Variants in FYTTD1 observed in about 807,000 individuals in gnomAD.
FYTTD1 encodes the protein UAP56-interacting factor.
Under a neutral mutation model 40.9 loss-of-function variants are expected in FYTTD1, and 22 were observed. The observed-to-expected ratio is 0.54, with a 90% CI of 0.38 to 0.77. The LOEUF is 0.77. FYTTD1 is among the 30% of genes least tolerant of loss of function. The pLI, the probability that FYTTD1 is intolerant of heterozygous loss-of-function variation, is 0.00. For synonymous variants in FYTTD1, 140 were observed against 137.9 expected, an observed-to-expected ratio of 1.01 and a Z score of -0.10; for missense variants, 351 against 392.2, an observed-to-expected ratio of 0.90 and a Z score of 0.89.
At chr3:197,755,728 T>C (rs1315964871) in intron 1 of FYTTD1, 1 of 1,363,976 alleles carries the variant, frequency 7.3e-7, no homozygotes, top group Non-Finnish European at 1.0e-6. Flanking sequence ...CCTCAAATGA[T>C]CCGCCCACCT....
chr3:197,751,507 G>A (rs942874111), intron 1 of FYTTD1, among the ~76,000 whole-genome samples: 13 of 152,102 alleles, frequency 8.5e-5, no homozygotes, highest in African/African-American at 2.9e-4. Flanking sequence ...TTAGCCGGGC[G>A]TGGTGGCCGC....
At chr3:197,768,815 T>G (rs145738258) in intron 3 of FYTTD1, among the ~76,000 whole-genome samples, 7 of 152,280 alleles carry the variant, frequency 4.6e-5, no homozygotes, top group Non-Finnish European at 7.4e-5. Context: ...TTTTTATATA[T>G]AGAGTCTTGC....
intron 1 of FYTTD1, 81 bp downstream of exon 1, chr3:197,750,155 G>A: frequency 9.2e-7 from 1 of 1,085,908 alleles, no homozygotes; most frequent in Non-Finnish European, 1.3e-6. Flanking sequence ...GGGGGCAGGG[G>A]CGGTCGGCAG....
chr3:197,768,509 C>G lies in FYTTD1; in HGVS notation c.306C>G (p.Ile102Met). The change falls in exon 3 of 9, where the codon ATC (isoleucine) becomes ATG (methionine). Residue 102 changes from isoleucine to methionine, a missense_variant. Ile to Met is a conservative substitution (Grantham distance 10). Coordinates refer to ENST00000241502, the MANE Select transcript of FYTTD1 (RefSeq NM_032288.7). ...GAAAGAGACGTCCTAATGGAGTTAT[C>G]ACTGGCCTTGCAGCTAGGAAAACGA... ...MPGKRRPNGV[I>M]TGLAARKTTG... 6.2e-7 allele frequency: 1 copy of G among 1,613,180 alleles called. No homozygotes were observed. Among genetic ancestry groups the G allele is most frequent in the Non-Finnish European group, 8.5e-7 (1 of 1,179,264 alleles).
chr3:197,779,950 ACAGGCACACACCATACCTGGGGATG>A, intron 8 of FYTTD1, among the ~76,000 whole-genome samples: 1 of 144,056 alleles, frequency 6.9e-6, no homozygotes, highest in African/African-American at 2.6e-5. Flanking sequence ...ACCTGGGGAT[ACAGGCACACACCATACCTGGGGATG>A]CAGGCACACA....
intron 2 of FYTTD1, among the ~76,000 whole-genome samples, chr3:197,760,165 A>C (rs935205894): frequency 7.3e-5 from 11 of 150,988 alleles, no homozygotes; most frequent in African/African-American, 2.7e-4. Flanking sequence ...GGTAGAACGT[A>C]TTGAGTTGTT....
chr3:197,757,787 T>A (rs1167185497), intron 2 of FYTTD1, among the ~76,000 whole-genome samples: 1 of 152,212 alleles, frequency 6.6e-6, no homozygotes, highest in Non-Finnish European at 1.5e-5. Flanking sequence ...TAACTGAGAT[T>A]GGGCCCTTAA....
rs774312129 is a variant in FYTTD1, at chr3:197,769,080, T to TTTTG, written c.384+505_384+508dup. 2.1e-5 allele frequency among the ~76,000 whole-genome samples: 3 copies of TTTTG among 145,956 alleles called. No homozygotes were observed. In the East Asian group the frequency reaches 6.2e-4, roughly 30 times the overall value. ...GTGCCTGGCCGAAAATGAAGAGTTT[T>TTTTG]TTTGTTTGTTTGTTTTTGTTTTTTC... On this transcript the variant is annotated intron_variant, in intron 3 of 8. Coordinates refer to ENST00000241502, the MANE Select transcript of FYTTD1 (RefSeq NM_032288.7).
chr3:197,769,575 A>G (rs745556886), intron 3 of FYTTD1, among the ~76,000 whole-genome samples: 2 of 152,346 alleles, frequency 1.3e-5, no homozygotes, highest in Non-Finnish European at 2.9e-5. Flanking sequence ...ATGTGGAGGA[A>G]GAAAAAGAGG....
intron 2 of FYTTD1, among the ~76,000 whole-genome samples, chr3:197,758,610 A>G (rs1273693666): frequency 6.6e-6 from 1 of 152,348 alleles, no homozygotes; most frequent in East Asian, 1.9e-4. Context: ...CTTTCCTTTT[A>G]TGGATGTTAT....
intron 4 of FYTTD1, 116 bp from the exon 5 acceptor site, chr3:197,773,287 T>G: frequency 1.4e-5 from 9 of 620,808 alleles, no homozygotes; most frequent in East Asian, 2.8e-5. Context: ...TCAGAGTTGT[T>G]TGTTTCTTGC....
At chr3:197,776,859 T>G in intron 6 of FYTTD1, 68 bp from the exon 7 acceptor site, 1 of 1,048,662 alleles carries the variant, frequency 9.5e-7, no homozygotes. Context: ...TGTTCATTTT[T>G]ATTTTGAATA....
chr3:197,757,322 T>C (rs936998591), intron 2 of FYTTD1, among the ~76,000 whole-genome samples: 2 of 152,234 alleles, frequency 1.3e-5, no homozygotes, highest in Non-Finnish European at 2.9e-5. Flanking sequence ...AGAATAAATA[T>C]TTGTTGAAAT....
chr3:197,783,781 G>A lies in FYTTD1; in HGVS notation c.*1872G>A, dbSNP rs184008250. ...TGGTTTGTGAAAATATGGTATAAAG[G>A]TGTTTTCATTTTCCTGTTCTTACCT... On this transcript the variant is annotated 3_prime_UTR_variant, in exon 9 of 9. Coordinates refer to ENST00000241502, the MANE Select transcript of FYTTD1 (RefSeq NM_032288.7). The A allele has an allele frequency of 3.2e-4, 49 of 152,414 alleles. No individual in the cohort carries two copies. Among genetic ancestry groups the A allele is most frequent in the African/African-American group, 1.1e-3 (47 of 41,530 alleles). 9.4% of individuals were successfully genotyped at this position (152,414 alleles called of 1,614,324 possible). A position where few individuals can be genotyped will look rare whatever the true frequency, so the allele number is the denominator to read the frequency against.
rs1298764500 is a variant in FYTTD1, at chr3:197,768,465, A to G, written c.262A>G (p.Arg88Gly). The change falls in exon 3 of 9, where the codon AGA (arginine) becomes GGA (glycine). Residue 88 changes from arginine (R) to glycine (G), a missense_variant. Arg to Gly is a moderately radical substitution (Grantham distance 125). Coordinates refer to ENST00000241502, the MANE Select transcript of FYTTD1 (RefSeq NM_032288.7). The stretch of plus-strand genomic sequence containing the variant: ...TTTTGGTAAGACTAGTCTGAATCGT[A>G]GAGGAAGAGTAATGCCTGGAAAGAG... ...SGFGKTSLNR[R>G]GRVMPGKRRP... The G allele has an allele frequency of 1.2e-6, 2 of 1,611,834 alleles. No individual in the cohort carries two copies. Among genetic ancestry groups the G allele is most frequent in the Non-Finnish European group, 1.7e-6 (2 of 1,178,408 alleles).
At chr3:197,766,461 T>TGTGTGTGTGTGTGTGTGTGTGTGTG (rs1171406063) in intron 2 of FYTTD1, among the ~76,000 whole-genome samples, 4 of 25,876 alleles carry the variant, frequency 1.5e-4, no homozygotes, top group East Asian at 1.7e-3. Flanking sequence ...GTGTGTGTGT[T>TGTGTGTGTGTGTGTGTGTGTGTGTG]TGAGACAGGG....
intron 2 of FYTTD1, among the ~76,000 whole-genome samples, chr3:197,765,414 A>T (rs1729516029): frequency 6.6e-6 from 1 of 152,204 alleles, no homozygotes; most frequent in Non-Finnish European, 1.5e-5. Context: ...TAGCACAGTG[A>T]AGGGTAGCTG....
At chr3:197,766,036 A>G (rs935313900) in intron 2 of FYTTD1, among the ~76,000 whole-genome samples, 2 of 151,496 alleles carry the variant, frequency 1.3e-5, no homozygotes, top group African/African-American at 4.9e-5. Flanking sequence ...GGTGGCAGGC[A>G]CCTGTAATCC....
At chr3:197,767,098 C>T (rs1580457297) in intron 2 of FYTTD1, among the ~76,000 whole-genome samples, 1 of 151,486 alleles carries the variant, frequency 6.6e-6, no homozygotes, top group African/African-American at 2.4e-5. Flanking sequence ...AACGGGCAGC[C>T]CCTGAACCAG....
Sources: allele counts gnomAD v4.1 joint callset (sites outside exome capture counted in the v4.1 genomes callset), GRCh38; gene constraint gnomAD v4.1.1; transcripts MANE v1.5; gene names NCBI Gene and HGNC (gene_info 2026-07-23, HGNC 2026-07-21).